Variants in FGF14 observed in about 807,000 individuals in gnomAD.
FGF14 encodes the protein fibroblast growth factor 14, also known as fibroblast growth factor homologous factor 4.
In FGF14, 5 loss-of-function variants were observed where a neutral mutation model predicts 25.5. The ratio of observed to expected loss-of-function variants is 0.20; its 90% CI spans 0.10 to 0.41. The LOEUF is 0.41. Among genes scored for constraint, FGF14 ranks in the 10% least tolerant of loss-of-function variants. FGF14 has a pLI of 1.00. For missense variants in FGF14, 222 were observed against 320.1 expected, an observed-to-expected ratio of 0.69 and a Z score of 2.34; for synonymous variants, 138 against 118.3, an observed-to-expected ratio of 1.17 and a Z score of -1.08.
intron 1 of FGF14, among the ~76,000 whole-genome samples, chr13:102,152,799 T>C (rs2047146486): frequency 6.6e-6 from 1 of 152,242 alleles, no homozygotes; most frequent in Non-Finnish European, 1.5e-5. Flanking sequence ...AGCTTACCTT[T>C]GTGCAGTGAT....
chr13:102,185,970 A>G (rs1018333424), intron 1 of FGF14, among the ~76,000 whole-genome samples: 1 of 152,176 alleles, frequency 6.6e-6, no homozygotes, highest in African/African-American at 2.4e-5. Flanking sequence ...TATTTATCCA[A>G]ATGAAAATAA....
Position 101,870,922 on chromosome 13 carries a change from T to C in FGF14, c.305-2094A>G, listed in dbSNP as rs1175129937. The stretch of plus-strand genomic sequence containing the variant: ...GAGCCTAGATCACGCCACTGCACTT[T>C]AGCCTGGGCAATGAGCGAAACTCCA... On this transcript the variant is annotated intron_variant, in intron 2 of 4. Coordinates refer to ENST00000376143, the MANE Select transcript of FGF14 (RefSeq NM_004115.4). Among the ~76,000 whole-genome samples the C allele has an allele frequency of 3.3e-5, 5 of 152,024 alleles. 1 individual carries two copies. The highest frequency in any genetic ancestry group is 3.9e-4 in the East Asian group (2 of 5,170).
chr13:102,011,091 G>T (rs1451347681), intron 1 of FGF14, among the ~76,000 whole-genome samples: 2 of 152,096 alleles, frequency 1.3e-5, no homozygotes, highest in African/African-American at 4.8e-5. Context: ...CATCTCCATG[G>T]GAACAAGATT....
intron 1 of FGF14, among the ~76,000 whole-genome samples, chr13:102,231,574 T>C (rs1566842666): frequency 6.6e-6 from 1 of 152,212 alleles, no homozygotes; most frequent in Non-Finnish European, 1.5e-5. Flanking sequence ...TTTAGAATTA[T>C]GTTACTTCTT....
chr13:102,084,424 T>G (rs1052776094), intron 1 of FGF14, among the ~76,000 whole-genome samples: 17 of 152,236 alleles, frequency 1.1e-4, no homozygotes, highest in Admixed American at 5.9e-4. Context: ...AATAAATTAC[T>G]ATTCTTTCTT....
intron 1 of FGF14, among the ~76,000 whole-genome samples, chr13:102,079,898 T>G (rs994621866): frequency 6.6e-6 from 1 of 152,088 alleles, no homozygotes; most frequent in African/African-American, 2.4e-5. Flanking sequence ...AACACAGATA[T>G]CTGGGAGAAA....
At chr13:102,127,102 T>TTATATA (rs141046497) in intron 1 of FGF14, among the ~76,000 whole-genome samples, 9 of 151,898 alleles carry the variant, frequency 5.9e-5, no homozygotes, top group African/African-American at 2.2e-4. Context: ...CTCACTCATA[T>TTATATA]TATATATATA....
chr13:101,733,841 A>T (rs960660948), intron 3 of FGF14, among the ~76,000 whole-genome samples: 2 of 151,548 alleles, frequency 1.3e-5, no homozygotes, highest in Non-Finnish European at 2.9e-5. Context: ...TAATTTATTT[A>T]TTAAATATTA....
intron 1 of FGF14, among the ~76,000 whole-genome samples, chr13:102,375,344 TG>T (rs1440781737): frequency 6.6e-6 from 1 of 152,176 alleles, no homozygotes; most frequent in Non-Finnish European, 1.5e-5. Flanking sequence ...TCTAGCACAG[TG>T]TACAAGACAC....
intron 1 of FGF14, among the ~76,000 whole-genome samples, chr13:101,997,493 G>A (rs2039246652): frequency 6.6e-6 from 1 of 152,130 alleles, no homozygotes; most frequent in Non-Finnish European, 1.5e-5. Context: ...TTATAACAGT[G>A]GTTTTAAAAT....
At chr13:102,107,703 C>A (rs2044994376) in intron 1 of FGF14, among the ~76,000 whole-genome samples, 1 of 152,110 alleles carries the variant, frequency 6.6e-6, no homozygotes, top group Admixed American at 6.5e-5. Flanking sequence ...AAGTAACTGG[C>A]ATTGGAAAAT....
At chr13:102,165,330 AT>A (rs1436318058) in intron 1 of FGF14, among the ~76,000 whole-genome samples, 1 of 152,044 alleles carries the variant, frequency 6.6e-6, no homozygotes, top group Non-Finnish European at 1.5e-5. Flanking sequence ...TACCCAAAGG[AT>A]TATAAATCAT....
chr13:102,265,878 A>G (rs900652800), intron 1 of FGF14, among the ~76,000 whole-genome samples: 2 of 152,114 alleles, frequency 1.3e-5, no homozygotes, highest in African/African-American at 4.8e-5. Context: ...GAAGCATACT[A>G]ATGGAGATTT....
At position 102,164,345 on chromosome 13, in the gene FGF14, C is replaced by A. The variant is rs546120727; in HGVS notation, c.208+237126G>T. On this transcript the variant is annotated intron_variant, in intron 1 of 4. Transcript: ENST00000376131. ...ATCAATGAATACATATTTATTAGGC[C>A]TCTACTTGAATATTAGACACTGTGT... Among the ~76,000 whole-genome samples the A allele has an allele frequency of 1.1e-4, 16 of 152,220 alleles. No homozygotes were observed. In the South Asian group the frequency reaches 3.1e-3, roughly 30 times the overall value.
chr13:101,997,674 C>T (rs1324778594), intron 1 of FGF14, among the ~76,000 whole-genome samples: 1 of 152,054 alleles, frequency 6.6e-6, no homozygotes, highest in Non-Finnish European at 1.5e-5. Flanking sequence ...CACTGAAAAC[C>T]ACTGCATTAC....
chr13:102,029,247 T>C (rs1348354503), intron 1 of FGF14, among the ~76,000 whole-genome samples: 1 of 152,074 alleles, frequency 6.6e-6, no homozygotes, highest in Non-Finnish European at 1.5e-5. Context: ...TAAAAGCTGA[T>C]TTGGTTAATT....
intron 1 of FGF14, among the ~76,000 whole-genome samples, chr13:102,076,220 C>A (rs997170379): frequency 2.6e-5 from 4 of 152,170 alleles, no homozygotes; most frequent in Non-Finnish European, 5.9e-5. Flanking sequence ...GTCTTGCAAG[C>A]CCCGTTCATG....
At chr13:102,283,528 T>A (rs529247736) in intron 1 of FGF14, among the ~76,000 whole-genome samples, 1 of 152,202 alleles carries the variant, frequency 6.6e-6, no homozygotes, top group Non-Finnish European at 1.5e-5. Context: ...AACGTTCACA[T>A]TGAAAAACAG....
At chr13:102,374,260 C>T (rs1371133710) in intron 1 of FGF14, among the ~76,000 whole-genome samples, 1 of 151,916 alleles carries the variant, frequency 6.6e-6, no homozygotes, top group Admixed American at 6.6e-5. Flanking sequence ...ATTGAAGAGA[C>T]CTTAAAATAA....
Sources: allele counts gnomAD v4.1 joint callset (sites outside exome capture counted in the v4.1 genomes callset), GRCh38; gene constraint gnomAD v4.1.1; transcripts MANE v1.5; gene names NCBI Gene and HGNC (gene_info 2026-07-23, HGNC 2026-07-21).